The following ZC4H2 variants were observed in gnomAD, a reference collection of about 807,000 sequenced individuals.
ZC4H2 encodes the protein zinc finger C4H2 domain-containing protein.
For synonymous variants in ZC4H2, 84 were observed against 66.3 expected (o/e 1.27, Z -1.30); for missense variants, 137 against 173.9 (o/e 0.79, Z 1.19).
At chrX:64,946,687 T>C (rs191359988) in intron 1 of ZC4H2, among the ~76,000 whole-genome samples, 295 of 111,431 alleles carry the variant, frequency 2.6e-3, no homozygotes, top group Non-Finnish European at 4.8e-3. Context: ...TATGTTTGGA[T>C]AGATAAATAG....
At chrX:65,003,503 T>C (rs751854329) in intron 1 of ZC4H2, among the ~76,000 whole-genome samples, 58 of 111,670 alleles carry the variant, frequency 5.2e-4, no homozygotes, top group Non-Finnish European at 9.8e-4. Flanking sequence ...AGCTCGTTTT[T>C]TGAAAAATTA....
At chrX:64,935,990 T>A (rs1929992299) in intron 1 of ZC4H2, among the ~76,000 whole-genome samples, 1 of 110,308 alleles carries the variant, frequency 9.1e-6, no homozygotes, top group African/African-American at 3.3e-5. Context: ...TAAAGGAGCA[T>A]GTTCTAACAC....
chrX:64,952,584 T>C lies in ZC4H2; in HGVS notation c.53+23741A>G, dbSNP rs767190908. 3.6e-5 allele frequency among the ~76,000 whole-genome samples: 4 copies of C among 110,895 alleles called. No individual in the cohort carries two copies. The East Asian group carries it at 1.1e-3, about 32-fold the overall frequency. Reference sequence around the variant, plus strand: ...CCTTTCACAGTTGCTTCAAAGAGAATAAAATACCTAGGAATCCAACTTACA... The same window carrying C: ...CCTTTCACAGTTGCTTCAAAGAGAACAAAATACCTAGGAATCCAACTTACA... On this transcript the variant is annotated intron_variant, in intron 1 of 4. Transcript: ENST00000374839.
At chrX:65,015,091 C>T (rs1345840350) in intron 1 of ZC4H2, among the ~76,000 whole-genome samples, 1 of 110,441 alleles carries the variant, frequency 9.1e-6, no homozygotes, top group Non-Finnish European at 1.9e-5. Context: ...CTTCCCCTGC[C>T]ATCAATTAAT....
intron 1 of ZC4H2, among the ~76,000 whole-genome samples, chrX:64,951,817 T>C (rs930728139): frequency 9.0e-5 from 10 of 111,566 alleles, no homozygotes; most frequent in African/African-American, 3.3e-4. Context: ...AGATCCCATT[T>C]GTCAATTTTG....
chrX:64,984,007 G>A (rs988902297), intron 1 of ZC4H2, among the ~76,000 whole-genome samples: 3 of 111,356 alleles, frequency 2.7e-5, no homozygotes, highest in Non-Finnish European at 3.8e-5. Context: ...GCATAATGGT[G>A]GGGGTTGAGC....
At chrX:64,923,779 G>A (rs1246642847) in intron 1 of ZC4H2, among the ~76,000 whole-genome samples, 1 of 108,083 alleles carries the variant, frequency 9.3e-6, no homozygotes, top group African/African-American at 3.4e-5. Context: ...GTGGTAACTT[G>A]CCCAGTACCA....
At chrX:64,982,187 C>T (rs1239103224) in intron 1 of ZC4H2, among the ~76,000 whole-genome samples, 1 of 111,927 alleles carries the variant, frequency 8.9e-6, no homozygotes, top group African/African-American at 3.3e-5. Flanking sequence ...CTTCAATTCT[C>T]ACCTCTTTGA....
At chrX:65,001,783 G>A (rs1932542420) in intron 1 of ZC4H2, among the ~76,000 whole-genome samples, 1 of 111,382 alleles carries the variant, frequency 9.0e-6, no homozygotes, top group Non-Finnish European at 1.9e-5. Flanking sequence ...AAAAAGCAGG[G>A]GTTGCAATCC....
intron 1 of ZC4H2, among the ~76,000 whole-genome samples, chrX:64,974,048 C>T (rs1244830862): frequency 1.8e-5 from 2 of 111,538 alleles, no homozygotes; most frequent in East Asian, 5.6e-4. Context: ...TTATTTTTCC[C>T]AATACTTTTC....
At chrX:64,940,479 C>T (rs1009596637) in intron 1 of ZC4H2, among the ~76,000 whole-genome samples, 6 of 111,879 alleles carry the variant, frequency 5.4e-5, no homozygotes, top group African/African-American at 1.6e-4. Context: ...AGTCTTTGCC[C>T]ATGCCTATGT....
chrX:64,992,838 C>T (rs2147274367), intron 1 of ZC4H2, among the ~76,000 whole-genome samples: 1 of 111,890 alleles, frequency 8.9e-6, no homozygotes, highest in South Asian at 3.7e-4. Flanking sequence ...CCTTGCACCT[C>T]CTGGATGCAG....
chrX:64,963,238 G>A (rs1009585828), intron 1 of ZC4H2, among the ~76,000 whole-genome samples: 4 of 111,467 alleles, frequency 3.6e-5, no homozygotes, highest in African/African-American at 9.8e-5. Flanking sequence ...ACATGCAAAC[G>A]TATAACATTG....
At chrX:64,987,731 T>C (rs898872821) in intron 1 of ZC4H2, among the ~76,000 whole-genome samples, 9 of 109,571 alleles carry the variant, frequency 8.2e-5, no homozygotes, top group Non-Finnish European at 1.5e-4. Context: ...ACCTCTGAAT[T>C]CTTTTTTTTA....
chrX:64,992,920 G>A (rs1932337409), intron 1 of ZC4H2, among the ~76,000 whole-genome samples: 1 of 111,133 alleles, frequency 9.0e-6, no homozygotes, highest in African/African-American at 3.3e-5. Context: ...TATTTCACAG[G>A]AATCTGGATC....
At chrX:65,010,085 T>C (rs1325170412) in intron 1 of ZC4H2, among the ~76,000 whole-genome samples, 2 of 112,529 alleles carry the variant, frequency 1.8e-5, no homozygotes, top group African/African-American at 6.5e-5. Flanking sequence ...TAAACTAATG[T>C]ATAAAACAAC....
rs1329042449 is a variant in ZC4H2 at position 64,989,354 on chromosome X, T to C, written c.-272+45275A>G. On this transcript the variant is annotated intron_variant, in intron 1 of 4. Coordinates refer to the ZC4H2 transcript ENST00000337990. ...TATTGATTCTTGCTATCCATGAGCATGGAATGTTCTTCCATTTGTTTGTAT... is the reference window on the plus strand; with the variant it reads ...TATTGATTCTTGCTATCCATGAGCACGGAATGTTCTTCCATTTGTTTGTAT... Among the ~76,000 whole-genome samples, 3 of 112,169 alleles carry C rather than the reference T, an allele frequency of 2.7e-5. No individual in the cohort carries two copies. In the East Asian group the frequency reaches 8.4e-4, roughly 31 times the overall value.
chrX:65,031,564 AG>A (rs759211305), intron 1 of ZC4H2, among the ~76,000 whole-genome samples: 1 of 112,217 alleles, frequency 8.9e-6, no homozygotes, highest in East Asian at 2.8e-4. Flanking sequence ...AGGTGAATAA[AG>A]AGAAATATAT....
chrX:64,953,526 C>A (rs1039103608), intron 1 of ZC4H2, among the ~76,000 whole-genome samples: 1 of 112,365 alleles, frequency 8.9e-6, no homozygotes, highest in African/African-American at 3.2e-5. Flanking sequence ...TGAACAGACA[C>A]TTCTCAAAAG....
Sources: allele counts gnomAD v4.1 joint callset (sites outside exome capture counted in the v4.1 genomes callset), GRCh38; gene constraint gnomAD v4.1.1; transcripts MANE v1.5; gene names NCBI Gene and HGNC (gene_info 2026-07-23, HGNC 2026-07-21).